The following TMEM178A variants were observed in gnomAD, a reference collection of about 807,000 sequenced individuals.
The protein encoded by TMEM178A is transmembrane protein 178.
A neutral mutation model predicts 29.1 loss-of-function variants in TMEM178A; 12 were observed. The ratio of observed to expected loss-of-function variants is 0.41; its 90% CI spans 0.26 to 0.67. TMEM178A has a LOEUF of 0.67. Ranked by LOEUF, TMEM178A falls within the 30% of genes least tolerant of loss-of-function variation. The pLI is 0.29. For synonymous variants in TMEM178A, 210 were observed against 187.2 expected (o/e 1.12, Z -0.99); for missense variants, 366 against 419.1 (o/e 0.87, Z 1.11).
At chr2:39,665,564 A>C, upstream of TMEM178A, 1 of 168,628 alleles carries the variant, frequency 5.9e-6, no homozygotes, top group Non-Finnish European at 1.2e-5. Flanking sequence ...AAGGGGAGAG[A>C]GGAGGATGAG....
chr2:39,667,420 G>C (rs1670217025), intron 1 of TMEM178A, among the ~76,000 whole-genome samples: 1 of 143,158 alleles, frequency 7.0e-6, no homozygotes. Flanking sequence ...TTCAGAACTT[G>C]ACTCAATGTA....
intron 3 of TMEM178A, among the ~76,000 whole-genome samples, chr2:39,715,152 G>A (rs2148119192): frequency 6.6e-6 from 1 of 152,296 alleles, no homozygotes; most frequent in Admixed American, 6.5e-5. Context: ...AAAAGTCTAG[G>A]TTTGAACTCA....
intron 1 of TMEM178A, among the ~76,000 whole-genome samples, chr2:39,684,271 A>G (rs1670981953): frequency 6.6e-6 from 1 of 152,100 alleles, no homozygotes; most frequent in Non-Finnish European, 1.5e-5. Flanking sequence ...GACTTCATGG[A>G]GTTTAAATTT....
At chr2:39,667,518 A>G (rs570554478) in intron 1 of TMEM178A, among the ~76,000 whole-genome samples, 2 of 152,188 alleles carry the variant, frequency 1.3e-5, no homozygotes, top group East Asian at 1.9e-4. Flanking sequence ...CAAAATCAGT[A>G]CATTTTAATA....
the TMEM178A span, among the ~76,000 whole-genome samples, chr2:39,723,727 T>C: frequency 3.3e-5 from 5 of 152,116 alleles, no homozygotes; most frequent in Non-Finnish European, 5.9e-5. Flanking sequence ...CTCACAGAGG[T>C]TGAGTAACCT....
chr2:39,679,112 T>C (rs1482555455), intron 1 of TMEM178A, among the ~76,000 whole-genome samples: 1 of 152,198 alleles, frequency 6.6e-6, no homozygotes, highest in African/African-American at 2.4e-5. Context: ...ACTTTCTACA[T>C]TGTACTGTAT....
chr2:39,688,739 AT>A (rs981920411), intron 1 of TMEM178A, among the ~76,000 whole-genome samples: 18 of 152,326 alleles, frequency 1.2e-4, no homozygotes, highest in Non-Finnish European at 1.9e-4. Flanking sequence ...TCAGTTCAGT[AT>A]TTTTTTGAAA....
intron 3 of TMEM178A, among the ~76,000 whole-genome samples, chr2:39,713,879 C>A (rs1672422069): frequency 6.6e-6 from 1 of 152,082 alleles, no homozygotes; most frequent in Non-Finnish European, 1.5e-5. Context: ...TTTCTTGATG[C>A]CTTTGAATTT....
At chr2:39,688,657 T>A (rs13423235) in intron 1 of TMEM178A, among the ~76,000 whole-genome samples, 9,631 of 152,340 alleles carry the variant, frequency 0.063, 946 homozygotes, top group African/African-American at 0.21. Flanking sequence ...TGCAATTCAG[T>A]CTTTTCAACT....
chr2:39,712,384 T>C (rs1197188963), intron 3 of TMEM178A, among the ~76,000 whole-genome samples: 1 of 152,120 alleles, frequency 6.6e-6, no homozygotes, highest in Non-Finnish European at 1.5e-5. Flanking sequence ...AATTACATCT[T>C]ACCAGCCGGC....
chr2:39,698,627 G>C (rs1671652446), intron 1 of TMEM178A, among the ~76,000 whole-genome samples: 1 of 151,632 alleles, frequency 6.6e-6, no homozygotes, highest in East Asian at 1.9e-4. Flanking sequence ...TTTTCTTGTG[G>C]TGTCTTTGGT....
At chr2:39,672,977 A>T (rs1051433156) in intron 1 of TMEM178A, among the ~76,000 whole-genome samples, 30 of 152,242 alleles carry the variant, frequency 2.0e-4, no homozygotes, top group African/African-American at 7.2e-4. Flanking sequence ...GAGGTGGGTC[A>T]CAGGGTTTTC....
chr2:39,729,552 A>G, the TMEM178A span, among the ~76,000 whole-genome samples: 33 of 152,322 alleles, frequency 2.2e-4, no homozygotes, highest in East Asian at 3.1e-3. Context: ...AACTTCCTCC[A>G]ACCAACCAAT....
intron 3 of TMEM178A, among the ~76,000 whole-genome samples, chr2:39,710,448 A>C (rs1458510684): frequency 6.6e-6 from 1 of 152,212 alleles, no homozygotes; most frequent in Non-Finnish European, 1.5e-5. Flanking sequence ...CACTGTAAAA[A>C]AACAAGAAAG....
At chr2:39,718,924 CT>C (rs1672645661), downstream of TMEM178A, among the ~76,000 whole-genome samples, 1 of 152,180 alleles carries the variant, frequency 6.6e-6, no homozygotes, top group Non-Finnish European at 1.5e-5. Flanking sequence ...AGATTCTTTT[CT>C]TTCTTCTTTA....
At chr2:39,728,177 C>A in the TMEM178A span, among the ~76,000 whole-genome samples, 1 of 152,174 alleles carries the variant, frequency 6.6e-6, no homozygotes, top group Admixed American at 6.5e-5. Context: ...ACACTCCCAC[C>A]AACAGTGTAA....
At chr2:39,734,926 T>A in the TMEM178A span, among the ~76,000 whole-genome samples, 1 of 152,192 alleles carries the variant, frequency 6.6e-6, no homozygotes, top group South Asian at 2.1e-4. Flanking sequence ...ATGTGCCTCC[T>A]ACCAACACGA....
At chr2:39,702,625 C>A (rs1488075228) in intron 1 of TMEM178A, among the ~76,000 whole-genome samples, 1 of 151,472 alleles carries the variant, frequency 6.6e-6, no homozygotes, top group Admixed American at 6.6e-5. Flanking sequence ...ACCTTTAATG[C>A]CTTAGACCTC....
At chr2:39,692,127 G>T (rs1194069464) in intron 1 of TMEM178A, among the ~76,000 whole-genome samples, 2 of 152,210 alleles carry the variant, frequency 1.3e-5, no homozygotes, top group East Asian at 1.9e-4. Context: ...GCAGAGAATA[G>T]AATGGTGGTT....
Sources: gnomAD v4.1 joint callset for allele counts (sites outside exome capture counted in the v4.1 genomes callset) on GRCh38, gnomAD v4.1.1 for gene constraint, MANE v1.5 for transcripts, NCBI Gene and HGNC (gene_info 2026-07-23, HGNC 2026-07-21) for gene names.